Variants in NFATC3 observed in about 807,000 individuals in gnomAD.
The protein encoded by NFATC3 is nuclear factor of activated T-cells, cytoplasmic 3.
A neutral mutation model predicts 98.6 loss-of-function variants in NFATC3; 46 were observed. The ratio of observed to expected loss-of-function variants is 0.47; its 90% CI spans 0.37 to 0.60. The LOEUF is 0.60. Among genes scored for constraint, NFATC3 ranks in the 20% least tolerant of loss-of-function variants. NFATC3 has a pLI of 0.00. For missense variants in NFATC3, 1,256 were observed against 1,295.5 expected (o/e 0.97, Z 0.47); for synonymous variants, 512 against 472.2 (o/e 1.08, Z -1.09).
chr16:68,205,062 A>T (rs113502835), intron 9 of NFATC3, among the ~76,000 whole-genome samples: 17,976 of 151,626 alleles, frequency 0.12, 1,210 homozygotes, highest in South Asian at 0.19. Context: ...GCAAGAGACA[A>T]CATGTGAAAG....
At chr16:68,145,882 G>A (rs2038016087) in intron 3 of NFATC3, among the ~76,000 whole-genome samples, 1 of 152,154 alleles carries the variant, frequency 6.6e-6, no homozygotes, top group African/African-American at 2.4e-5. Flanking sequence ...TAGCAGTATT[G>A]TATCAGTGTC....
At chr16:68,189,642 A>G (rs1378610522) in intron 8 of NFATC3, among the ~76,000 whole-genome samples, 1 of 152,180 alleles carries the variant, frequency 6.6e-6, no homozygotes, top group Non-Finnish European at 1.5e-5. Flanking sequence ...ATGAACCTGG[A>G]AAGTCTTTCC....
chr16:68,217,940 A>G, intron 9 of NFATC3: 1 of 1,223,366 alleles, frequency 8.2e-7, no homozygotes. Flanking sequence ...CTAAACCTCG[A>G]TTACTGTGGA....
intron 1 of NFATC3, among the ~76,000 whole-genome samples, chr16:68,100,713 G>A (rs2035298567): frequency 6.6e-6 from 1 of 151,174 alleles, no homozygotes; most frequent in South Asian, 2.1e-4. Flanking sequence ...TAATCATTCT[G>A]ATGGGTGTGT....
chr16:68,214,252 A>T, intron 9 of NFATC3: 1 of 1,054,240 alleles, frequency 9.5e-7, no homozygotes, highest in Non-Finnish European at 1.4e-6. Flanking sequence ...GAAAAAAAAC[A>T]GGCTGGGCAC....
chr16:68,177,143 G>A (rs1006893398), intron 6 of NFATC3, among the ~76,000 whole-genome samples: 7 of 151,606 alleles, frequency 4.6e-5, no homozygotes, highest in African/African-American at 9.7e-5. Context: ...TGCCTCCCGG[G>A]TTCAAGTGAT....
chr16:68,166,762 A>G (rs2039218615), intron 4 of NFATC3, 81 bp from the exon 5 acceptor site: 1 of 1,151,944 alleles, frequency 8.7e-7, no homozygotes, highest in Non-Finnish European at 1.2e-6. Context: ...TTTCTGACAA[A>G]TTAACAATTT....
chr16:68,209,932 G>A (rs1340386433), intron 9 of NFATC3, among the ~76,000 whole-genome samples: 3 of 152,044 alleles, frequency 2.0e-5, no homozygotes, highest in African/African-American at 7.2e-5. Flanking sequence ...TTGGGAGGCC[G>A]AGGTGGGCAG....
intron 9 of NFATC3, among the ~76,000 whole-genome samples, chr16:68,215,407 T>C (rs1332515608): frequency 6.6e-6 from 1 of 152,212 alleles, no homozygotes; most frequent in Non-Finnish European, 1.5e-5. Flanking sequence ...GCAGAAGGAT[T>C]AGTTAAGTCA....
At chr16:68,094,509 T>G (rs545590927) in intron 1 of NFATC3, among the ~76,000 whole-genome samples, 30 of 152,286 alleles carry the variant, frequency 2.0e-4, no homozygotes, top group African/African-American at 5.1e-4. Context: ...CTGATACACA[T>G]TTTTTTCCTT....
intron 7 of NFATC3, among the ~76,000 whole-genome samples, chr16:68,182,868 A>G (rs542976748): frequency 1.3e-5 from 2 of 152,352 alleles, no homozygotes; most frequent in African/African-American, 4.8e-5. Context: ...AATCTAAACT[A>G]TAATGCTACT....
intron 9 of NFATC3, among the ~76,000 whole-genome samples, chr16:68,195,670 TG>T (rs2040635177): frequency 6.7e-6 from 1 of 148,916 alleles, no homozygotes; most frequent in South Asian, 2.2e-4. Context: ...TAGCCGGGCG[TG>T]GTGGTGGTCG....
intron 5 of NFATC3, among the ~76,000 whole-genome samples, chr16:68,171,022 T>G (rs2039434425): frequency 6.6e-6 from 1 of 152,178 alleles, no homozygotes; most frequent in Non-Finnish European, 1.5e-5. Context: ...TATTTTATTT[T>G]TTTGAGATGG....
intron 4 of NFATC3, among the ~76,000 whole-genome samples, chr16:68,161,614 A>G (rs533199740): frequency 3.3e-5 from 5 of 152,208 alleles, no homozygotes; most frequent in Non-Finnish European, 7.3e-5. Flanking sequence ...GCCTATAACA[A>G]CTTTATCACA....
intron 3 of NFATC3, among the ~76,000 whole-genome samples, chr16:68,130,331 G>A (rs967922940): frequency 6.6e-6 from 1 of 151,966 alleles, no homozygotes; most frequent in Admixed American, 6.6e-5. Flanking sequence ...TTTGCATTTT[G>A]ATAAGTAGCC....
At chr16:68,174,202 T>G (rs560827652) in intron 5 of NFATC3, among the ~76,000 whole-genome samples, 172 bp from the exon 6 acceptor site, 3 of 152,178 alleles carry the variant, frequency 2.0e-5, no homozygotes, top group Non-Finnish European at 4.4e-5. Flanking sequence ...ATAAACAGCT[T>G]AGTTCTTTTA....
intron 1 of NFATC3, among the ~76,000 whole-genome samples, chr16:68,103,648 T>A (rs1357525459): frequency 6.6e-6 from 1 of 152,202 alleles, no homozygotes; most frequent in Non-Finnish European, 1.5e-5. Flanking sequence ...GTACTCCTAT[T>A]TTTGCTTCTA....
chr16:68,167,809 TC>T (rs2039270652), intron 5 of NFATC3, among the ~76,000 whole-genome samples: 10 of 119,454 alleles, frequency 8.4e-5, no homozygotes, highest in Admixed American at 1.8e-4. Context: ...CCGTATGTGT[TC>T]TTTTTTTTTT....
chr16:68,127,970 C>G (rs2036925974), intron 3 of NFATC3, among the ~76,000 whole-genome samples: 1 of 152,108 alleles, frequency 6.6e-6, no homozygotes, highest in Non-Finnish European at 1.5e-5. Flanking sequence ...ATTCAATGCT[C>G]ACTACTACTA....
Sources: gnomAD v4.1 joint callset for allele counts (sites outside exome capture counted in the v4.1 genomes callset) on GRCh38, gnomAD v4.1.1 for gene constraint, MANE v1.5 for transcripts, NCBI Gene and HGNC (gene_info 2026-07-23, HGNC 2026-07-21) for gene names.